Variants in ANKS1B observed in about 807,000 individuals in gnomAD.
The protein encoded by ANKS1B is ankyrin repeat and sterile alpha motif domain-containing protein 1B.
Under a neutral mutation model 148.3 loss-of-function variants are expected in ANKS1B, and 36 were observed. The ratio of observed to expected loss-of-function variants is 0.24; its 90% confidence interval spans 0.19 to 0.32. The LOEUF (loss-of-function observed/expected upper bound fraction) is 0.32. Ranked by LOEUF, ANKS1B falls within the 10% of genes least tolerant of loss-of-function variation. The probability of loss-of-function intolerance (pLI) is 1.00; values close to 1 mark genes in which losing one functional copy is unlikely to be tolerated. For synonymous variants in ANKS1B, 542 were observed against 560.8 expected, an observed-to-expected ratio of 0.97 and a Z score of 0.47; for missense variants, 1,157 against 1,542.6, an observed-to-expected ratio of 0.75 and a Z score of 4.19.
At chr12:98,969,852 A>G (rs2099881687) in intron 17 of ANKS1B, among the ~76,000 whole-genome samples, 1 of 152,230 alleles carries the variant, frequency 6.6e-6, no homozygotes, top group Non-Finnish European at 1.5e-5. Context: ...TCCACGACCC[A>G]GGCTCATTCT....
At chr12:99,926,231 CA>C (rs894420274) in intron 1 of ANKS1B, among the ~76,000 whole-genome samples, 3 of 152,188 alleles carry the variant, frequency 2.0e-5, no homozygotes, top group African/African-American at 7.2e-5. Flanking sequence ...CTGCAAAGTA[CA>C]AAACATACTC....
In ANKS1B at chr12:99,771,823, C is replaced by A. The variant is rs75761439; in HGVS notation, c.1128+1099G>T. 5.3e-3 allele frequency among the ~76,000 whole-genome samples: 801 copies of A among 152,068 alleles called. 6 individuals carry two copies. The highest frequency in any genetic ancestry group is 0.018 in the African/African-American group (759 of 41,534). ...CAAGGAGGTAGGACTAGCCATGGAA[C>A]TAGATTAGCAAGTGCTATCCCAGGA... On this transcript the variant is annotated intron_variant, in intron 8 of 26. Coordinates refer to ENST00000683438, the MANE Select transcript of ANKS1B (RefSeq NM_001352186.2).
chr12:99,369,845 G>T (rs912352407), intron 12 of ANKS1B, among the ~76,000 whole-genome samples: 4 of 134,852 alleles, frequency 3.0e-5, no homozygotes, highest in Admixed American at 7.6e-5. Context: ...CAGACAGACA[G>T]AGACAGATAG....
chr12:98,897,146 A>T (rs1190674540), intron 17 of ANKS1B, among the ~76,000 whole-genome samples: 1 of 152,160 alleles, frequency 6.6e-6, no homozygotes, highest in East Asian at 1.9e-4. Flanking sequence ...GCTTCTTGGG[A>T]GAGCTGGGAG....
chr12:99,340,783 T>C (rs913099620), intron 12 of ANKS1B, among the ~76,000 whole-genome samples: 6 of 152,078 alleles, frequency 3.9e-5, no homozygotes, highest in Non-Finnish European at 7.4e-5. Context: ...CAAAGCACTA[T>C]GTAAATGTGA....
chr12:99,309,077 T>C (rs1391374281), intron 12 of ANKS1B, among the ~76,000 whole-genome samples: 1 of 151,732 alleles, frequency 6.6e-6, no homozygotes, highest in East Asian at 1.9e-4. Flanking sequence ...TAATAGTTTG[T>C]AGTTACTTTT....
chr12:99,321,099 G>GT (rs1416869367), intron 12 of ANKS1B, among the ~76,000 whole-genome samples: 1 of 152,222 alleles, frequency 6.6e-6, no homozygotes, highest in Non-Finnish European at 1.5e-5. Flanking sequence ...GTTGTATGAG[G>GT]TGTCAGTTGG....
At chr12:98,869,760 T>C (rs1265147161) in intron 17 of ANKS1B, among the ~76,000 whole-genome samples, 3 of 152,038 alleles carry the variant, frequency 2.0e-5, no homozygotes, top group Non-Finnish European at 4.4e-5. Flanking sequence ...TGTTTAGCCA[T>C]GTAGACAAGG....
At chr12:99,370,487 G>T (rs1394718367) in intron 12 of ANKS1B, among the ~76,000 whole-genome samples, 3 of 152,128 alleles carry the variant, frequency 2.0e-5, no homozygotes, top group Non-Finnish European at 4.4e-5. Context: ...GGATCCAGAT[G>T]AGTTACTAGA....
At chr12:99,143,220 G>T (rs531893840) in intron 15 of ANKS1B, among the ~76,000 whole-genome samples, 1 of 152,064 alleles carries the variant, frequency 6.6e-6, no homozygotes. Context: ...GTATAACAAT[G>T]TGAAATCTAA....
At chr12:99,959,227 ATT>A (rs71088166) in intron 1 of ANKS1B, among the ~76,000 whole-genome samples, 1,973 of 99,848 alleles carry the variant, frequency 0.02, 22 homozygotes, top group African/African-American at 0.075. Context: ...CACCCAGTTA[ATT>A]TTTTTTTTTT....
chr12:99,331,798 C>A (rs188247749), intron 12 of ANKS1B, among the ~76,000 whole-genome samples: 125 of 151,984 alleles, frequency 8.2e-4, no homozygotes, highest in African/African-American at 3.0e-3. Flanking sequence ...GGAAAGCAGA[C>A]AGGAGAACAA....
rs1286286396 is a variant in ANKS1B, at chr12:99,775,441, A to C, written c.961+107T>G. 1.0e-4 allele frequency: 60 copies of C among 602,840 alleles called. 1 individual carries two copies. The Admixed American group carries it at 1.7e-3, about 17-fold the overall frequency. 37.3% of individuals were successfully genotyped at this position (602,840 alleles called of 1,614,324 possible). On this transcript the variant is annotated intron_variant, in intron 7 of 26. Coordinates refer to ENST00000683438, the MANE Select transcript of ANKS1B (RefSeq NM_001352186.2). ...CTAATCAGTAACAGGAGCTCTTATA[A>C]ATGGATGAAATATAGAGTATAGGAT... is the stretch of plus-strand genomic sequence containing the variant.
chr12:98,828,548 C>T (rs1316122792), intron 19 of ANKS1B, among the ~76,000 whole-genome samples: 3 of 152,210 alleles, frequency 2.0e-5, no homozygotes, highest in African/African-American at 7.2e-5. Flanking sequence ...AAGAACAGCG[C>T]CACTGTTCGG....
chr12:99,928,525 G>A (rs1197330997), intron 1 of ANKS1B, among the ~76,000 whole-genome samples: 8 of 151,728 alleles, frequency 5.3e-5, no homozygotes, highest in African/African-American at 9.7e-5. Flanking sequence ...TGATCCACCC[G>A]CCTCGGCCTC....
intron 3 of ANKS1B, among the ~76,000 whole-genome samples, chr12:99,809,811 A>G (rs1565770231): frequency 6.6e-6 from 1 of 152,110 alleles, no homozygotes; most frequent in Non-Finnish European, 1.5e-5. Context: ...AGCCCTGACT[A>G]TAATGCATAA....
intron 24 of ANKS1B, among the ~76,000 whole-genome samples, chr12:98,773,740 GT>G (rs2098632842): frequency 6.6e-6 from 1 of 152,320 alleles, no homozygotes; most frequent in South Asian, 2.1e-4. Flanking sequence ...ACAGGCGTGA[GT>G]CACCGCGTCC....
chr12:99,003,836 G>C (rs950629548), intron 17 of ANKS1B, among the ~76,000 whole-genome samples: 1 of 152,030 alleles, frequency 6.6e-6, no homozygotes, highest in African/African-American at 2.4e-5. Flanking sequence ...AACATTCCAA[G>C]CCCCATTTTG....
chr12:99,107,652 C>T (rs1487014830), intron 15 of ANKS1B, among the ~76,000 whole-genome samples: 2 of 152,236 alleles, frequency 1.3e-5, no homozygotes, highest in Non-Finnish European at 2.9e-5. Context: ...CAAGACCGAG[C>T]TATCCAGAAA....
Sources: gnomAD v4.1 joint callset for allele counts (sites outside exome capture counted in the v4.1 genomes callset) on GRCh38, gnomAD v4.1.1 for gene constraint, MANE v1.5 for transcripts, NCBI Gene and HGNC (gene_info 2026-07-23, HGNC 2026-07-21) for gene names.